The following SLMAP variants were observed in gnomAD, a reference collection of about 807,000 sequenced individuals.
SLMAP encodes sarcolemmal membrane-associated protein.
A neutral mutation model predicts 128.8 loss-of-function variants in SLMAP; 44 were observed. The ratio of observed to expected loss-of-function variants is 0.34; its 90% CI spans 0.27 to 0.44. The LOEUF (loss-of-function observed/expected upper bound fraction) is 0.44, where lower values mean the gene tolerates loss of function less well. SLMAP is among the 20% of genes least tolerant of loss of function. The pLI is 1.00. For missense variants in SLMAP, 787 were observed against 985.3 expected, an observed-to-expected ratio of 0.80 and a Z score of 2.69; for synonymous variants, 327 against 348.8, an observed-to-expected ratio of 0.94 and a Z score of 0.70.
At position 57,906,292 on chromosome 3, in the gene SLMAP, A is replaced by ATTTTTTTCTTTTTTTTTCTTTTTT. The variant is rs2096539954; in HGVS notation, c.1502-1584_1502-1561dup. ...CTAGAGTAGCTGAACCCAGAATCAA[A>ATTTTTTTCTTTTTTTTTCTTTTTT]TTTTTTTCTTTTTTTTTCTTTTTTT... On this transcript the variant is annotated intron_variant, in intron 17 of 24. Transcript: ENST00000671191. Among the ~76,000 whole-genome samples the ATTTTTTTCTTTTTTTTTCTTTTTT allele has an allele frequency of 7.6e-5, 6 of 78,748 alleles. No individual in the cohort carries two copies. In the South Asian group the frequency reaches 2.7e-3, roughly 35 times the overall value. The allele number at this position is 78,748 out of a possible 152,430, so 51.7% of individuals were successfully genotyped here.
At chr3:57,881,613 A>C (rs1379944530) in intron 14 of SLMAP, among the ~76,000 whole-genome samples, 1 of 151,970 alleles carries the variant, frequency 6.6e-6, no homozygotes, top group Non-Finnish European at 1.5e-5. Context: ...ACGTGCCACT[A>C]TGCCCGGCTA....
At chr3:57,805,308 A>G (rs918514133) in intron 2 of SLMAP, among the ~76,000 whole-genome samples, 3 of 152,084 alleles carry the variant, frequency 2.0e-5, no homozygotes, top group Non-Finnish European at 4.4e-5. Context: ...TACTTTTTAG[A>G]TATATTGAAC....
intron 14 of SLMAP, among the ~76,000 whole-genome samples, chr3:57,882,225 T>C (rs1163132994): frequency 1.3e-5 from 2 of 152,232 alleles, no homozygotes; most frequent in African/African-American, 4.8e-5. Context: ...TTTTAACTGT[T>C]GGGGTTATTA....
intron 6 of SLMAP, among the ~76,000 whole-genome samples, chr3:57,852,206 C>T (rs1327172550): frequency 2.0e-5 from 3 of 152,116 alleles, no homozygotes; most frequent in East Asian, 1.9e-4. Flanking sequence ...CCACCACACC[C>T]GGACCCCTAC....
At chr3:57,826,924 C>G (rs952695566) in intron 2 of SLMAP, among the ~76,000 whole-genome samples, 2 of 152,128 alleles carry the variant, frequency 1.3e-5, no homozygotes, top group African/African-American at 4.8e-5. Context: ...TGGTGGTCTT[C>G]CCCACTCTTA....
chr3:57,783,585 A>C (rs2083474768), intron 2 of SLMAP, among the ~76,000 whole-genome samples: 1 of 152,344 alleles, frequency 6.6e-6, no homozygotes, highest in East Asian at 1.9e-4. Flanking sequence ...TAAAAGAGAA[A>C]CAGAAAGGAA....
chr3:57,903,059 C>T (rs1009708648), intron 17 of SLMAP, among the ~76,000 whole-genome samples: 8 of 152,088 alleles, frequency 5.3e-5, no homozygotes, highest in African/African-American at 1.7e-4. Context: ...AAGATAGGAA[C>T]TAGGTTTGGA....
chr3:57,905,787 C>A (rs1050729559), intron 17 of SLMAP, among the ~76,000 whole-genome samples: 1 of 151,956 alleles, frequency 6.6e-6, no homozygotes, highest in African/African-American at 2.4e-5. Flanking sequence ...TAACATACAG[C>A]AATAGTCCTC....
intron 3 of SLMAP, among the ~76,000 whole-genome samples, chr3:57,833,313 C>T (rs1252256720): frequency 6.6e-6 from 1 of 152,134 alleles, no homozygotes; most frequent in Non-Finnish European, 1.5e-5. Flanking sequence ...TTTTTCCCAT[C>T]TATCTGTGAG....
chr3:57,835,654 G>A (rs1280098777), intron 3 of SLMAP, among the ~76,000 whole-genome samples: 1 of 151,956 alleles, frequency 6.6e-6, no homozygotes, highest in Admixed American at 6.5e-5. Flanking sequence ...AAATTTAGAA[G>A]TTACCCCTAA....
At chr3:57,926,064 C>T (rs1046628380) in intron 24 of SLMAP, 130 bp downstream of exon 24, 6 of 674,746 alleles carry the variant, frequency 8.9e-6, no homozygotes, top group Admixed American at 4.8e-5. Context: ...TTTAGTATGC[C>T]GTGTATTTGT....
At chr3:57,756,517 C>G (rs923424682) in intron 1 of SLMAP, 31 bp from the exon 2 acceptor site, 1 of 152,628 alleles carries the variant, frequency 6.6e-6, no homozygotes, top group African/African-American at 2.4e-5. Flanking sequence ...AGGCGCCTGA[C>G]GGCCGTTTGT....
At chr3:57,806,083 C>T (rs993628343) in intron 2 of SLMAP, among the ~76,000 whole-genome samples, 1 of 150,976 alleles carries the variant, frequency 6.6e-6, no homozygotes, top group Non-Finnish European at 1.5e-5. Context: ...GATACAAGTG[C>T]AGACGTGTAG....
At chr3:57,888,128 G>A (rs926796622) in intron 14 of SLMAP, among the ~76,000 whole-genome samples, 3 of 152,194 alleles carry the variant, frequency 2.0e-5, no homozygotes, top group Non-Finnish European at 4.4e-5. Context: ...GATATATGAT[G>A]TGATAAATTA....
At chr3:57,885,051 G>A (rs771455191) in intron 14 of SLMAP, among the ~76,000 whole-genome samples, 15 of 150,814 alleles carry the variant, frequency 9.9e-5, no homozygotes, top group South Asian at 2.1e-4. Context: ...GAAGAAATAG[G>A]AAAAAGGTAA....
At chr3:57,834,379 C>T (rs765266756) in intron 3 of SLMAP, among the ~76,000 whole-genome samples, 2 of 150,938 alleles carry the variant, frequency 1.3e-5, no homozygotes, top group African/African-American at 4.9e-5. Flanking sequence ...AAAATACTAG[C>T]GAAAATATAC....
In SLMAP at chr3:57,871,701, G is replaced by T. The variant is rs1217949279; in HGVS notation, c.1300+3G>T. 1.2e-6 allele frequency: 2 copies of T among 1,605,060 alleles called. No individual in the cohort carries two copies. Among genetic ancestry groups the T allele is most frequent in the Non-Finnish European group, 1.7e-6 (2 of 1,172,518 alleles). Reference sequence around the variant, plus strand: ...TCATCAATTCATAGAATGCCAGAGTGAGTACAGAGTATTTTTCACATTGAT... The same window carrying T: ...TCATCAATTCATAGAATGCCAGAGTTAGTACAGAGTATTTTTCACATTGAT... On this transcript the variant is annotated splice_donor_region_variant and intron_variant, in intron 14 of 24. Coordinates refer to ENST00000671191, the MANE Select transcript of SLMAP (RefSeq NM_001377540.1).
intron 2 of SLMAP, among the ~76,000 whole-genome samples, chr3:57,804,513 G>A (rs1024615968): frequency 6.6e-6 from 1 of 152,212 alleles, no homozygotes. Context: ...GGGAGGTTGA[G>A]GCAGGAGGTC....
intron 4 of SLMAP, among the ~76,000 whole-genome samples, chr3:57,846,862 A>T (rs949766609): frequency 6.6e-6 from 1 of 152,144 alleles, no homozygotes; most frequent in Non-Finnish European, 1.5e-5. Flanking sequence ...CCTAGCCGAA[A>T]ATGGATAAAG....
Sources: allele counts gnomAD v4.1 joint callset (sites outside exome capture counted in the v4.1 genomes callset), GRCh38; gene constraint gnomAD v4.1.1; transcripts MANE v1.5; gene names NCBI Gene and HGNC (gene_info 2026-07-23, HGNC 2026-07-21).